The following PDZD2 variants were observed in gnomAD, a reference collection of about 807,000 sequenced individuals.
PDZD2 encodes the protein PDZ domain containing 2.
PDZD2 carries 90 observed loss-of-function variants against 220.7 expected under a neutral mutation model. The observed-to-expected ratio is 0.41, with a 90% CI of 0.34 to 0.49. PDZD2 has a LOEUF of 0.49. PDZD2 is among the 20% of genes least tolerant of loss of function. The pLI, the probability that PDZD2 is intolerant of heterozygous loss-of-function variation, is 0.28. For missense variants in PDZD2, 3,174 were observed against 3,608.5 expected (o/e 0.88, Z 3.08); for synonymous variants, 1,375 against 1,450.5 (o/e 0.95, Z 1.18).
At chr5:31,880,791 C>CTTTTTTTTTTTTTTTTT (rs1037018187) in intron 2 of PDZD2, among the ~76,000 whole-genome samples, 11 of 76,472 alleles carry the variant, frequency 1.4e-4, no homozygotes, top group Admixed American at 2.9e-4. Context: ...TTTTTTTTTT[C>CTTTTTTTTTTTTTTTTT]TTTTTTTTTT....
intron 1 of PDZD2, among the ~76,000 whole-genome samples, chr5:31,695,107 G>A (rs1490425214): frequency 6.6e-6 from 1 of 151,838 alleles, no homozygotes; most frequent in African/African-American, 2.4e-5. Flanking sequence ...CTGGGTGACA[G>A]AGCGAGACTC....
At chr5:32,097,686 TGTG>T (rs1417688149) in intron 22 of PDZD2, among the ~76,000 whole-genome samples, 1 of 152,142 alleles carries the variant, frequency 6.6e-6, no homozygotes, top group Non-Finnish European at 1.5e-5. Context: ...TGGCCAAACT[TGTG>T]TTTATACAAT....
intron 2 of PDZD2, among the ~76,000 whole-genome samples, chr5:31,808,841 G>A (rs1754901955): frequency 6.6e-6 from 1 of 151,978 alleles, no homozygotes; most frequent in South Asian, 2.1e-4. Flanking sequence ...AGCTGGGCAT[G>A]GTGGCACACA....
chr5:31,903,394 C>A (rs1304987017), intron 2 of PDZD2, among the ~76,000 whole-genome samples: 3 of 151,574 alleles, frequency 2.0e-5, no homozygotes, highest in Admixed American at 2.0e-4. Context: ...CACCTATAAT[C>A]CAAACACTTT....
At chr5:32,047,606 G>T (rs1025037536) in intron 7 of PDZD2, among the ~76,000 whole-genome samples, 1 of 152,178 alleles carries the variant, frequency 6.6e-6, no homozygotes, top group Non-Finnish European at 1.5e-5. Flanking sequence ...ATGGCAAAAA[G>T]CTTGCCAACT....
At chr5:31,922,252 G>A (rs922418285) in intron 2 of PDZD2, among the ~76,000 whole-genome samples, 6 of 152,172 alleles carry the variant, frequency 3.9e-5, no homozygotes, top group African/African-American at 1.4e-4. Flanking sequence ...TTCCAAGAGA[G>A]GATTCTTCAT....
At chr5:32,101,280 C>A in intron 24 of PDZD2, 41 bp downstream of exon 24, 1 of 1,522,158 alleles carries the variant, frequency 6.6e-7, no homozygotes, top group Non-Finnish European at 8.8e-7. Context: ...TCTCACCTGT[C>A]ATTTTTCCAT....
chr5:31,969,017 T>A (rs1227892678), intron 2 of PDZD2, among the ~76,000 whole-genome samples: 1 of 152,028 alleles, frequency 6.6e-6, no homozygotes, highest in African/African-American at 2.4e-5. Context: ...GTGGGAATAA[T>A]GTGGAGAGGA....
intron 2 of PDZD2, among the ~76,000 whole-genome samples, chr5:31,844,571 A>G (rs1467190156): frequency 6.6e-6 from 1 of 152,196 alleles, no homozygotes; most frequent in African/African-American, 2.4e-5. Context: ...ATTCCATGTG[A>G]TTTTTGGGAT....
chr5:31,772,733 TTTTATTTTC>T (rs543314019), intron 1 of PDZD2, among the ~76,000 whole-genome samples: 4,175 of 152,290 alleles, frequency 0.027, 191 homozygotes, highest in African/African-American at 0.096. Flanking sequence ...AGTGCTGCCT[TTTTATTTTC>T]ATGGTTTCCT....
At chr5:31,892,918 T>C (rs1042500958) in intron 2 of PDZD2, among the ~76,000 whole-genome samples, 1 of 152,068 alleles carries the variant, frequency 6.6e-6, no homozygotes, top group African/African-American at 2.4e-5. Flanking sequence ...GAGACAGGTG[T>C]GTAGACACAC....
chr5:31,822,478 T>C (rs1318415435), intron 2 of PDZD2: 2 of 454,402 alleles, frequency 4.4e-6, no homozygotes, highest in African/African-American at 4.1e-5. Flanking sequence ...ATAGGTCTTT[T>C]ATTGCATCAT....
At chr5:31,794,393 CTTTT>C (rs34331530) in intron 1 of PDZD2, among the ~76,000 whole-genome samples, 8,253 of 105,294 alleles carry the variant, frequency 0.078, 559 homozygotes, top group East Asian at 0.47. Flanking sequence ...TTCTTTCTTT[CTTTT>C]TTTTTTTTTT....
At chr5:31,887,148 ACCAGT>A (rs1200066978) in intron 2 of PDZD2, among the ~76,000 whole-genome samples, 1 of 152,118 alleles carries the variant, frequency 6.6e-6, no homozygotes, top group Non-Finnish European at 1.5e-5. Flanking sequence ...CTGTATGTTG[ACCAGT>A]TCAATGAGTT....
intron 1 of PDZD2, among the ~76,000 whole-genome samples, chr5:31,669,924 C>G (rs1419114800): frequency 6.6e-6 from 1 of 152,160 alleles, no homozygotes; most frequent in Non-Finnish European, 1.5e-5. Flanking sequence ...CAGGACTATA[C>G]TAAACCTTTT....
intron 1 of PDZD2, among the ~76,000 whole-genome samples, chr5:31,778,377 C>T (rs1015687221): frequency 6.6e-6 from 1 of 152,186 alleles, no homozygotes; most frequent in Non-Finnish European, 1.5e-5. Context: ...ATAAATCTTG[C>T]TGCTGCTCAC....
rs745809898 is a variant in PDZD2, at chr5:31,686,203, G to A, written c.-361+46766G>A. Among the ~76,000 whole-genome samples, 102 of 150,846 alleles carry A rather than the reference G, an allele frequency of 6.8e-4. 2 individuals are homozygous for A. Among genetic ancestry groups the A allele is most frequent in the Non-Finnish European group, 1.3e-3 (86 of 67,808 alleles). The stretch of plus-strand genomic sequence containing the variant: ...TGTGCCACTGTACTCTAGCCTGGGC[G>A]ACAGAGCGAGTCTCCGTCTCAAAAA... On this transcript the variant is annotated intron_variant, in intron 1 of 24. Coordinates refer to ENST00000438447, the MANE Select transcript of PDZD2 (RefSeq NM_178140.4).
At chr5:31,813,856 T>A (rs1389896746) in intron 2 of PDZD2, among the ~76,000 whole-genome samples, 1 of 152,172 alleles carries the variant, frequency 6.6e-6, no homozygotes, top group Non-Finnish European at 1.5e-5. Flanking sequence ...GTTTCACACA[T>A]GTTCCAATTA....
At chr5:31,923,324 T>C in intron 2 of PDZD2, 1 of 745,170 alleles carries the variant, frequency 1.3e-6, no homozygotes, top group Admixed American at 2.1e-5. Flanking sequence ...CCCGATGCGG[T>C]GGTTGCTGTA....
Sources: gnomAD v4.1 joint callset for allele counts (sites outside exome capture counted in the v4.1 genomes callset) on GRCh38, gnomAD v4.1.1 for gene constraint, MANE v1.5 for transcripts, NCBI Gene and HGNC (gene_info 2026-07-23, HGNC 2026-07-21) for gene names.